The following CHCHD3 variants were observed in gnomAD, a reference collection of about 807,000 sequenced individuals.
CHCHD3 encodes the protein MICOS complex subunit MIC19.
In CHCHD3, 20 loss-of-function variants were observed where a neutral mutation model predicts 38.2. The ratio of observed to expected loss-of-function variants is 0.52; its 90% CI spans 0.37 to 0.76. CHCHD3 has a LOEUF of 0.76. Among genes scored for constraint, CHCHD3 ranks in the 30% least tolerant of loss-of-function variants. The pLI is 0.00. For synonymous variants in CHCHD3, 82 were observed against 100.0 expected (o/e 0.82, Z 1.07); for missense variants, 245 against 279.2 (o/e 0.88, Z 0.87).
chr7:132,925,737 G>A (rs62465286), intron 4 of CHCHD3, among the ~76,000 whole-genome samples: 30,590 of 152,052 alleles, frequency 0.2, 3,450 homozygotes, highest in South Asian at 0.27. Context: ...ATACCACATC[G>A]TACTTGTCCT....
At chr7:132,798,862 C>A (rs1479898724) in intron 6 of CHCHD3, among the ~76,000 whole-genome samples, 2 of 152,098 alleles carry the variant, frequency 1.3e-5, no homozygotes, top group Non-Finnish European at 1.5e-5. Flanking sequence ...TGTAGATAAG[C>A]ATGTATCCTG....
intron 3 of CHCHD3, among the ~76,000 whole-genome samples, chr7:133,011,892 C>T (rs1026169561): frequency 2.0e-5 from 3 of 152,092 alleles, no homozygotes; most frequent in Non-Finnish European, 4.4e-5. Flanking sequence ...CTGACATTTA[C>T]TTATTTATTT....
intron 4 of CHCHD3, among the ~76,000 whole-genome samples, chr7:132,934,267 C>T (rs971844359): frequency 1.3e-5 from 2 of 152,210 alleles, no homozygotes; most frequent in African/African-American, 4.8e-5. Context: ...CTGCTCTACA[C>T]ACCGCATTTG....
At position 132,947,044 on chromosome 7, in the gene CHCHD3, T is replaced by A; in HGVS notation, c.369+28125A>T. 1.3e-5 allele frequency among the ~76,000 whole-genome samples: 2 copies of A among 151,964 alleles called. 1 individual carries two copies. ...CTCAAAAAGTGGACCAATGAGTACTTATTTACAAGACAGATACTAGAAAAT... is the reference window on the plus strand; with the variant it reads ...CTCAAAAAGTGGACCAATGAGTACTAATTTACAAGACAGATACTAGAAAAT... On this transcript the variant is annotated intron_variant, in intron 4 of 7. Transcript: ENST00000262570.
intron 5 of CHCHD3, among the ~76,000 whole-genome samples, chr7:132,870,759 C>T (rs901242883): frequency 6.6e-6 from 1 of 152,090 alleles, no homozygotes; most frequent in African/African-American, 2.4e-5. Flanking sequence ...AGACAAACAC[C>T]CACTCACTTG....
chr7:132,963,493 A>G (rs929227828), intron 4 of CHCHD3, among the ~76,000 whole-genome samples: 24 of 151,720 alleles, frequency 1.6e-4, no homozygotes, highest in East Asian at 3.9e-4. Flanking sequence ...TTAGCCAGGC[A>G]TGGTAATGGG....
At chr7:132,867,847 C>T (rs1313122280) in intron 5 of CHCHD3, among the ~76,000 whole-genome samples, 1 of 152,022 alleles carries the variant, frequency 6.6e-6, no homozygotes. Flanking sequence ...CCAGAAAGTA[C>T]ATTATATAAA....
At chr7:132,811,746 C>G (rs1022100863) in intron 6 of CHCHD3, among the ~76,000 whole-genome samples, 2 of 152,206 alleles carry the variant, frequency 1.3e-5, no homozygotes, top group African/African-American at 4.8e-5. Context: ...TAATACTACA[C>G]TCTCCTGTTT....
intron 3 of CHCHD3, among the ~76,000 whole-genome samples, chr7:132,986,213 G>T (rs61287780): frequency 6.8e-6 from 1 of 147,658 alleles, no homozygotes; most frequent in Non-Finnish European, 1.5e-5. Flanking sequence ...CAGCATGCTC[G>T]TTAAGAGTCA....
chr7:132,870,603 G>A (rs959992035), intron 5 of CHCHD3, among the ~76,000 whole-genome samples: 1 of 151,644 alleles, frequency 6.6e-6, no homozygotes, highest in East Asian at 1.9e-4. Context: ...CCACTTTACA[G>A]ATGAGGGATC....
At chr7:132,952,666 T>C (rs962346073) in intron 4 of CHCHD3, among the ~76,000 whole-genome samples, 13 of 152,246 alleles carry the variant, frequency 8.5e-5, no homozygotes, top group African/African-American at 2.7e-4. Context: ...TAGCTGATCA[T>C]ACGTGTCTGA....
chr7:132,974,156 C>T (rs946701358), intron 4 of CHCHD3: 1 of 522,784 alleles, frequency 1.9e-6, no homozygotes, highest in Non-Finnish European at 3.0e-6. Context: ...AGGCTTAACA[C>T]CATCTATAGC....
intron 3 of CHCHD3, among the ~76,000 whole-genome samples, chr7:133,004,661 G>A (rs1163166862): frequency 6.6e-6 from 1 of 152,220 alleles, no homozygotes; most frequent in Non-Finnish European, 1.5e-5. Context: ...TTAAGTAGCA[G>A]ATGAAAGATA....
intron 6 of CHCHD3, among the ~76,000 whole-genome samples, chr7:132,832,381 A>G (rs1216896596): frequency 1.3e-5 from 2 of 152,198 alleles, no homozygotes; most frequent in Non-Finnish European, 2.9e-5. Context: ...AAGTTCATAG[A>G]CTTGTACTTC....
At chr7:133,066,257 T>A (rs1584683703) in intron 2 of CHCHD3, among the ~76,000 whole-genome samples, 3 of 43,332 alleles carry the variant, frequency 6.9e-5, no homozygotes, top group South Asian at 1.0e-3. Flanking sequence ...GATGGCATAC[T>A]TTTTTTTTTT....
chr7:132,880,643 GA>G (rs11317051), intron 5 of CHCHD3, among the ~76,000 whole-genome samples: 51,629 of 151,650 alleles, frequency 0.34, 9,717 homozygotes, highest in African/African-American at 0.48. Context: ...AAAAACAAAA[GA>G]AAAAAATAGA....
intron 2 of CHCHD3, among the ~76,000 whole-genome samples, chr7:133,049,540 G>A (rs565871510): frequency 5.3e-5 from 8 of 152,136 alleles, no homozygotes; most frequent in African/African-American, 1.9e-4. Context: ...TCATTTAACC[G>A]CCAATACTTA....
intron 3 of CHCHD3, among the ~76,000 whole-genome samples, chr7:133,010,691 G>C (rs1308541193): frequency 6.6e-6 from 1 of 152,064 alleles, no homozygotes; most frequent in African/African-American, 2.4e-5. Context: ...CGATTCTCGT[G>C]CCTCAGCCTC....
At chr7:133,027,367 G>GAGAGAGAA (rs1411528191) in intron 2 of CHCHD3, among the ~76,000 whole-genome samples, 1 of 131,172 alleles carries the variant, frequency 7.6e-6, no homozygotes, top group African/African-American at 2.9e-5. Context: ...AGTTGTAAGA[G>GAGAGAGAA]AGAGAGAGAG....
Sources: allele counts gnomAD v4.1 joint callset (sites outside exome capture counted in the v4.1 genomes callset), GRCh38; gene constraint gnomAD v4.1.1; transcripts MANE v1.5; gene names NCBI Gene and HGNC (gene_info 2026-07-23, HGNC 2026-07-21).